The following HEATR5A variants were observed in gnomAD, a reference collection of about 807,000 sequenced individuals.
HEATR5A encodes HEAT repeat-containing protein 5A.
A neutral mutation model predicts 218.8 loss-of-function variants in HEATR5A; 178 were observed. That is an observed-to-expected ratio of 0.81 (90% CI 0.72 to 0.92). The LOEUF is 0.92. HEATR5A is among the 40% of genes least tolerant of loss of function. The probability of loss-of-function intolerance (pLI) is 0.00; values close to 1 mark genes in which losing one functional copy is unlikely to be tolerated. For missense variants in HEATR5A, 2,420 were observed against 2,418.9 expected (o/e 1.00, Z -0.01); for synonymous variants, 864 against 871.6 (o/e 0.99, Z 0.15).
At chr14:31,306,447 C>T (rs1165806803) in intron 31 of HEATR5A, among the ~76,000 whole-genome samples, 1 of 152,148 alleles carries the variant, frequency 6.6e-6, no homozygotes, top group Admixed American at 6.6e-5. Context: ...CGTGCCAATG[C>T]ACTCCAGCTT....
chr14:31,350,033 C>T, intron 17 of HEATR5A, 54 bp from the exon 18 acceptor site: 2 of 1,238,614 alleles, frequency 1.6e-6, no homozygotes, highest in Non-Finnish European at 2.2e-6. Context: ...TTCTCATATC[C>T]AGTTAGGAAT....
At chr14:31,383,414 C>A in intron 10 of HEATR5A, 107 bp downstream of exon 10, 1 of 1,053,524 alleles carries the variant, frequency 9.5e-7, no homozygotes. Flanking sequence ...TATGGCAGGG[C>A]TAGATGTACA....
chr14:31,298,548 G>C (rs1479361341), intron 33 of HEATR5A, among the ~76,000 whole-genome samples: 1 of 152,056 alleles, frequency 6.6e-6, no homozygotes, highest in African/African-American at 2.4e-5. Flanking sequence ...CTCTTGCCAA[G>C]GCCTCCCAAA....
In HEATR5A at chr14:31,326,261, T is replaced by G; in HGVS notation, c.3449A>C (p.Asp1150Ala). 1 of 1,613,142 alleles carries G rather than the reference T, an allele frequency of 6.2e-7. No individual in the cohort carries two copies. The highest frequency in any genetic ancestry group is 1.1e-5 in the South Asian group (1 of 91,076). The change falls in exon 23 of 36, where the codon GAT becomes GCT. Residue 1150 changes from aspartate (D) to alanine (A), a missense_variant. Coordinates refer to ENST00000543095, the MANE Select transcript of HEATR5A (RefSeq NM_015473.4). ...DKETDERLCH[D>A]IKETLNYMLT... ...CATATAATTTAAAGTCTCTTTGATA[T>G]CATGGCATAATCTCTCATCTGTCTC...
At chr14:31,383,886 C>T (rs949752190) in intron 9 of HEATR5A, 115 bp from the exon 10 acceptor site, 2 of 763,878 alleles carry the variant, frequency 2.6e-6, no homozygotes, top group Non-Finnish European at 3.9e-6. Context: ...TCAAAAGCCA[C>T]ATTATAATAG....
Position 31,400,462 on chromosome 14 carries a change from C to T in HEATR5A, c.177G>A (p.Leu59=). 6.5e-7 allele frequency: 1 copy of T among 1,535,912 alleles called. No homozygotes were observed. The highest frequency in any genetic ancestry group is 1.2e-5 in the South Asian group (1 of 84,056). The part of the protein sequence containing the change: ...QKTLVEQLLS[L]LNSSPGPPTR... ...TAGGAGGCCCTGGGGAGCTGTTCAA[C>T]AAAGACAGGAGCTGTTCAACAAGAG... The change falls in exon 3 of 36, where the codon TTG becomes TTA. Residue 59 remains leucine, a synonymous_variant. Coordinates refer to ENST00000543095, the MANE Select transcript of HEATR5A (RefSeq NM_015473.4).
intron 18 of HEATR5A, among the ~76,000 whole-genome samples, chr14:31,349,293 C>T (rs1459324101): frequency 6.6e-6 from 1 of 151,980 alleles, no homozygotes; most frequent in Non-Finnish European, 1.5e-5. Context: ...GAGGCTGAGG[C>T]TGATGGCGTG....
chr14:31,419,685 A>G lies in HEATR5A; in HGVS notation c.-75+787T>C, dbSNP rs143587323. On this transcript the variant is annotated intron_variant, in intron 1 of 35. Transcript: ENST00000543095. Reference sequence around the variant, plus strand: ...AGCCATTTTATTATTATCTGACTTGACAGTCAAGAAAATTATCCCAACTTG... The same window carrying G: ...AGCCATTTTATTATTATCTGACTTGGCAGTCAAGAAAATTATCCCAACTTG... Among the ~76,000 whole-genome samples, 419 of 152,362 alleles carry G rather than the reference A, an allele frequency of 2.8e-3. 1 individual carries two copies. Among genetic ancestry groups the G allele is most frequent in the African/African-American group, 9.2e-3 (381 of 41,580 alleles).
intron 12 of HEATR5A, among the ~76,000 whole-genome samples, chr14:31,372,887 CCTCTCTCTCT>C (rs574563233): frequency 6.7e-6 from 1 of 149,216 alleles, no homozygotes; most frequent in Non-Finnish European, 1.5e-5. Flanking sequence ...TCTCTCTCTC[CCTCTCTCTCT>C]CTCTCCCTCC....
chr14:31,336,217 C>CATAT (rs3033610), intron 22 of HEATR5A, among the ~76,000 whole-genome samples: 41 of 38,160 alleles, frequency 1.1e-3, no homozygotes, highest in South Asian at 2.9e-3. Flanking sequence ...TACATACATA[C>CATAT]ATATATATAT....
chr14:31,413,330 A>G (rs1217523308), intron 1 of HEATR5A, among the ~76,000 whole-genome samples: 1 of 152,080 alleles, frequency 6.6e-6, no homozygotes, highest in East Asian at 1.9e-4. Flanking sequence ...CAAGAAATTT[A>G]TAAGAAGTGG....
chr14:31,408,614 T>C (rs2031162317), intron 1 of HEATR5A, among the ~76,000 whole-genome samples: 1 of 152,084 alleles, frequency 6.6e-6, no homozygotes, highest in African/African-American at 2.4e-5. Flanking sequence ...ATTTATGTGA[T>C]TCAACTTAAG....
rs549190649 is a variant in HEATR5A at position 31,390,355 on chromosome 14, T to C, written c.773-1350A>G. On this transcript the variant is annotated intron_variant, in intron 6 of 35. Coordinates refer to ENST00000543095, the MANE Select transcript of HEATR5A (RefSeq NM_015473.4). ...CTGCTGCTGTGTTGAGAGAAGATTA[T>C]AGAGGGGGGTAAAGATAGAAGCAGG... 2.6e-5 allele frequency among the ~76,000 whole-genome samples: 4 copies of C among 152,112 alleles called. No individual in the cohort carries two copies. The South Asian group carries it at 6.2e-4, about 24-fold the overall frequency.
At chr14:31,300,731 TCA>T (rs1595074728) in intron 33 of HEATR5A, among the ~76,000 whole-genome samples, 1 of 152,178 alleles carries the variant, frequency 6.6e-6, no homozygotes, top group African/African-American at 2.4e-5. Flanking sequence ...TGGGAAACTG[TCA>T]CAGTTTGACT....
chr14:31,354,121 C>T (rs996005032), intron 16 of HEATR5A, among the ~76,000 whole-genome samples: 3 of 150,778 alleles, frequency 2.0e-5, no homozygotes, highest in African/African-American at 7.3e-5. Flanking sequence ...TTTTTAAGAA[C>T]ATATTTATGT....
chr14:31,300,013 G>A (rs1899317919), intron 33 of HEATR5A, among the ~76,000 whole-genome samples: 1 of 152,128 alleles, frequency 6.6e-6, no homozygotes, highest in Admixed American at 6.6e-5. Context: ...TCCAGCCTGG[G>A]CAACAGAGCG....
intron 14 of HEATR5A, 112 bp from the exon 15 acceptor site, chr14:31,359,169 A>C: frequency 5.0e-5 from 49 of 987,808 alleles, no homozygotes; most frequent in Non-Finnish European, 6.4e-5. Context: ...TTAACATATC[A>C]CAGCCAAAAG....
rs775558331 is a variant in HEATR5A, at chr14:31,343,991, A to C, written c.3133T>G (p.Cys1045Gly). ...GAGATGGCCTGAGCTTGAACAAGGC[A>C]GTCTGGGTTATCTTGCATTACTGCA... ...GCAVMQDNPDCLVQAQAISCL... is the reference protein window; with the variant it reads ...GCAVMQDNPDGLVQAQAISCL... Residue 1045 changes from cysteine (C) to glycine (G), a missense_variant, in exon 21 of 36, where the codon TGC (cysteine) becomes GGC (glycine). Coordinates refer to ENST00000543095, the MANE Select transcript of HEATR5A (RefSeq NM_015473.4). The C allele has an allele frequency of 8.7e-6, 14 of 1,611,558 alleles. No homozygotes were observed. The highest frequency in any genetic ancestry group is 1.1e-5 in the South Asian group (1 of 90,738).
chr14:31,309,004 C>T lies in HEATR5A; in HGVS notation c.4620G>A (p.Gln1540=). 8 of 1,613,842 alleles carry T rather than the reference C, an allele frequency of 5.0e-6. No individual in the cohort carries two copies. Among genetic ancestry groups the T allele is most frequent in the Non-Finnish European group, 6.8e-6 (8 of 1,179,782 alleles). Residue 1540 remains glutamine (Q), a synonymous_variant, in exon 29 of 36, where the codon CAG becomes CAA. Transcript: ENST00000543095. ...SRPVTPTSMC[Q]GSSSGATIKS... ...TTATGGTAGCCCCAGATGATGAACC[C>T]TGACACATGGAAGTTGGTGTTACAG...
Sources: allele counts gnomAD v4.1 joint callset (sites outside exome capture counted in the v4.1 genomes callset), GRCh38; gene constraint gnomAD v4.1.1; transcripts MANE v1.5; gene names NCBI Gene and HGNC (gene_info 2026-07-23, HGNC 2026-07-21).